The following SUSD4 variants were observed in gnomAD, a reference collection of about 807,000 sequenced individuals.
The protein encoded by SUSD4 is sushi domain containing 4.
In SUSD4, 41 loss-of-function variants were observed where a neutral mutation model predicts 50.5. That is an observed-to-expected ratio of 0.81 (90% CI 0.63 to 1.05). The LOEUF is 1.05. Among genes scored for constraint, SUSD4 ranks in the 50% least tolerant of loss-of-function variants. The probability of loss-of-function intolerance (pLI) is 0.00; values close to 1 mark genes in which losing one functional copy is unlikely to be tolerated. For missense variants in SUSD4, 580 were observed against 634.7 expected, an observed-to-expected ratio of 0.91 and a Z score of 0.93; for synonymous variants, 257 against 257.3, an observed-to-expected ratio of 1.00 and a Z score of 0.01.
chr1:223,284,395 A>G (rs1024158097), intron 3 of SUSD4, among the ~76,000 whole-genome samples: 1 of 152,148 alleles, frequency 6.6e-6, no homozygotes, highest in Non-Finnish European at 1.5e-5. Flanking sequence ...ACCATACTGG[A>G]AAGAAAACTC....
intron 2 of SUSD4, among the ~76,000 whole-genome samples, chr1:223,313,333 A>G (rs66768536): frequency 0.54 from 82,083 of 151,924 alleles, 22,177 homozygotes; most frequent in African/African-American, 0.58. Flanking sequence ...TCTGGACACC[A>G]AAGCTTGGGT....
At chr1:223,278,059 G>A (rs746100982) in intron 3 of SUSD4, among the ~76,000 whole-genome samples, 4 of 152,042 alleles carry the variant, frequency 2.6e-5, no homozygotes, top group Non-Finnish European at 5.9e-5. Flanking sequence ...GGTAGTCCTT[G>A]GCACATACTT....
intron 2 of SUSD4, among the ~76,000 whole-genome samples, chr1:223,341,543 C>G (rs113243073): frequency 6.1e-4 from 93 of 152,204 alleles, no homozygotes; most frequent in African/African-American, 2.2e-3. Flanking sequence ...CAAGCTCCCC[C>G]ACGCAGAACA....
chr1:223,241,006 A>C (rs1396904321), intron 5 of SUSD4, among the ~76,000 whole-genome samples: 1 of 152,152 alleles, frequency 6.6e-6, no homozygotes, highest in African/African-American at 2.4e-5. Flanking sequence ...CTGCACTGTG[A>C]GCTTCACAAG....
intron 2 of SUSD4, among the ~76,000 whole-genome samples, chr1:223,317,818 G>A (rs1192417151): frequency 1.4e-5 from 2 of 140,064 alleles, no homozygotes; most frequent in Non-Finnish European, 3.0e-5. Context: ...CTGGGAGCTC[G>A]TCAATGCTTG....
In SUSD4 at chr1:223,268,036, TATATATACAC is replaced by T. The variant is rs1301040342; in HGVS notation, c.535+456_535+465del. Reference sequence around the variant, plus strand: ...TTTTATATATATATATATATATATATATATATACACACACACTGTTAAGAGAAAACAGCCT... The same window carrying T: ...TTTTATATATATATATATATATATATACACACTGTTAAGAGAAAACAGCCT... On this transcript the variant is annotated intron_variant, in intron 4 of 8. Transcript: ENST00000366878. 1.4e-4 allele frequency among the ~76,000 whole-genome samples: 13 copies of T among 93,064 alleles called. 1 individual carries two copies. The highest frequency in any genetic ancestry group is 4.2e-4 in the African/African-American group (12 of 28,896). The allele number at this position is 93,064 out of a possible 152,430, so 61.1% of individuals were successfully genotyped here.
chr1:223,356,164 A>ATT (rs11429350), intron 2 of SUSD4, among the ~76,000 whole-genome samples: 96 of 146,964 alleles, frequency 6.5e-4, no homozygotes, highest in African/African-American at 1.4e-3. Context: ...AATTATTTCT[A>ATT]TTTTTTTTTT....
chr1:223,292,359 G>T, intron 3 of SUSD4, 80 bp downstream of exon 3: 1 of 1,479,522 alleles, frequency 6.8e-7, no homozygotes, highest in Non-Finnish European at 9.4e-7. Context: ...AGGGTATTGA[G>T]CTGTCACACA....
In SUSD4 at chr1:223,274,779, C is replaced by T. The variant is rs145845253; in HGVS notation, c.362-6104G>A. On this transcript the variant is annotated intron_variant, in intron 3 of 8. Transcript: ENST00000366878. ...TGAGACTGCTACACATTCTTCTAAG[C>T]ACACGTGGAACATTTACAAAAAATG... Among the ~76,000 whole-genome samples, 621 of 152,238 alleles carry T rather than the reference C, an allele frequency of 4.1e-3. 2 individuals carry two copies. The highest frequency in any genetic ancestry group is 0.014 in the African/African-American group (589 of 41,532).
At chr1:223,363,645 G>A (rs1669140239) in intron 1 of SUSD4, 185 bp from the exon 2 acceptor site, 8 of 612,152 alleles carry the variant, frequency 1.3e-5, no homozygotes, top group Non-Finnish European at 2.1e-5. Flanking sequence ...CGGGTGCACT[G>A]AGTAACAGCC....
chr1:223,321,571 T>C (rs1666574704), intron 2 of SUSD4, among the ~76,000 whole-genome samples: 1 of 152,222 alleles, frequency 6.6e-6, no homozygotes, highest in South Asian at 2.1e-4. Context: ...GTTTCTTCCT[T>C]TGTCCCTTTC....
At chr1:223,342,494 G>T (rs1459825297) in intron 2 of SUSD4, among the ~76,000 whole-genome samples, 1 of 152,202 alleles carries the variant, frequency 6.6e-6, no homozygotes. Context: ...GTGGGGATTT[G>T]CTCTATCTGA....
At chr1:223,363,229 T>C in intron 2 of SUSD4, 49 bp downstream of exon 2, 7 of 1,452,964 alleles carry the variant, frequency 4.8e-6, no homozygotes, top group Non-Finnish European at 6.4e-6. Context: ...AGGCTCTTTC[T>C]CCCCTCTGGG....
At chr1:223,364,370 G>GGGGGGGCGGGGACGGGGCGA (rs1669195736), upstream of SUSD4, among the ~76,000 whole-genome samples, 1 of 147,424 alleles carries the variant, frequency 6.8e-6, no homozygotes, top group African/African-American at 2.5e-5. This position sits in a 1 kb window ranked among gnomAD's most constrained non-coding sequence, Gnocchi z 4.5. Flanking sequence ...CGGGGTGAGT[G>GGGGGGGCGGGGACGGGGCGA]GGGGGGCGGG....
At chr1:223,359,231 T>C (rs929659864) in intron 2 of SUSD4, 7 of 445,512 alleles carry the variant, frequency 1.6e-5, no homozygotes, top group African/African-American at 4.1e-5. Flanking sequence ...GAACCCCTAT[T>C]GGAGCTTCTA....
chr1:223,232,843 G>T (rs1381683308), intron 5 of SUSD4, among the ~76,000 whole-genome samples: 1 of 152,134 alleles, frequency 6.6e-6, no homozygotes, highest in Admixed American at 6.5e-5. Context: ...GACTTCTCAG[G>T]GTCTTAGCTT....
intron 5 of SUSD4, among the ~76,000 whole-genome samples, chr1:223,235,903 G>A (rs999285494): frequency 1.3e-5 from 2 of 151,798 alleles, no homozygotes; most frequent in Admixed American, 1.3e-4. Flanking sequence ...GCTGGATCAT[G>A]TAAGAATACA....
At chr1:223,335,202 T>G (rs1667393674) in intron 2 of SUSD4, among the ~76,000 whole-genome samples, 1 of 152,230 alleles carries the variant, frequency 6.6e-6, no homozygotes, top group Admixed American at 6.5e-5. Flanking sequence ...GTATTTTTTT[T>G]CATATAATGA....
At chr1:223,225,150 G>A (rs1422251059) in intron 7 of SUSD4, among the ~76,000 whole-genome samples, 11 of 152,000 alleles carry the variant, frequency 7.2e-5, no homozygotes, top group African/African-American at 1.2e-4. Context: ...GATTACAGAC[G>A]TGAGCCACTG....
Sources: gnomAD v4.1 joint callset for allele counts (sites outside exome capture counted in the v4.1 genomes callset) on GRCh38, gnomAD v4.1.1 for gene constraint, Gnocchi (gnomAD v3.1) non-coding constraint, MANE v1.5 for transcripts, NCBI Gene and HGNC (gene_info 2026-07-23, HGNC 2026-07-21) for gene names.